Variants in RGS6 observed in about 807,000 individuals in gnomAD.
The protein encoded by RGS6 is regulator of G protein signaling 6.
In RGS6, 30 loss-of-function variants were observed where a neutral mutation model predicts 78.5. The observed-to-expected ratio is 0.38, with a 90% confidence interval of 0.29 to 0.52. The LOEUF is 0.52. Among genes scored for constraint, RGS6 ranks in the 20% least tolerant of loss-of-function variants. The pLI is 0.85. For missense variants in RGS6, 495 were observed against 609.7 expected (o/e 0.81, Z 1.98); for synonymous variants, 206 against 206.0 (o/e 1.00, Z 0.00).
At chr14:72,608,692 A>C in the RGS6 span, among the ~76,000 whole-genome samples, 30 of 152,192 alleles carry the variant, frequency 2.0e-4, no homozygotes, top group Non-Finnish European at 4.1e-4. Context: ...CTCTCAGTTA[A>C]GGCCTGAAGC....
chr14:72,387,634 A>G (rs1177837539), intron 3 of RGS6, among the ~76,000 whole-genome samples: 1 of 152,192 alleles, frequency 6.6e-6, no homozygotes, highest in African/African-American at 2.4e-5. Flanking sequence ...AAAAATGTAC[A>G]TATATATGTA....
At chr14:72,116,486 A>G (rs1267656305) in intron 2 of RGS6, among the ~76,000 whole-genome samples, 1 of 151,500 alleles carries the variant, frequency 6.6e-6, no homozygotes, top group East Asian at 1.9e-4. Flanking sequence ...GCCTTTGCCT[A>G]CTAGATGCTG....
intron 2 of RGS6, among the ~76,000 whole-genome samples, chr14:72,200,548 G>A (rs2041260895): frequency 6.6e-6 from 1 of 152,186 alleles, no homozygotes; most frequent in Non-Finnish European, 1.5e-5. Flanking sequence ...CCAACTCAGA[G>A]GAGTGGAGGG....
chr14:72,102,495 A>G lies in RGS6; in HGVS notation c.84+137620A>G, dbSNP rs374143123. Among the ~76,000 whole-genome samples, 10 of 152,208 alleles carry G rather than the reference A, an allele frequency of 6.6e-5. No individual in the cohort carries two copies. The East Asian group carries it at 1.9e-3, about 29-fold the overall frequency. ...GCAGTTCTACCTTGTGCCAGGTTTT[A>G]GATACTTTCTTTTAATCACAGAACT... On this transcript the variant is annotated intron_variant, in intron 2 of 17. Transcript: ENST00000553525.
At chr14:72,042,118 T>C (rs569993245) in intron 2 of RGS6, among the ~76,000 whole-genome samples, 25 of 128,428 alleles carry the variant, frequency 1.9e-4, no homozygotes, top group African/African-American at 6.8e-4. Context: ...TTCCTTTTTC[T>C]TTTTCTTTTT....
At chr14:72,548,945 G>A (rs928503223) in intron 17 of RGS6, among the ~76,000 whole-genome samples, 8 of 152,230 alleles carry the variant, frequency 5.3e-5, no homozygotes, top group African/African-American at 1.7e-4. Context: ...ATAGTGCAGA[G>A]TAGGTTTCTA....
intron 12 of RGS6, among the ~76,000 whole-genome samples, chr14:72,492,969 G>GATATTTA (rs2096597783): frequency 6.6e-6 from 1 of 152,116 alleles, no homozygotes; most frequent in Admixed American, 6.5e-5. Flanking sequence ...TGCAGAAAAA[G>GATATTTA]CTTGCCAATG....
chr14:72,613,883 C>T, the RGS6 span, among the ~76,000 whole-genome samples: 3 of 152,212 alleles, frequency 2.0e-5, no homozygotes, highest in African/African-American at 7.2e-5. Flanking sequence ...GGCTCTAAGG[C>T]AGTTCCCACT....
chr14:72,356,254 T>G (rs761300490), intron 3 of RGS6, among the ~76,000 whole-genome samples: 13 of 152,060 alleles, frequency 8.5e-5, no homozygotes, highest in Non-Finnish European at 8.8e-5. Context: ...CGTGCTGTTC[T>G]CATAATAGCG....
chr14:71,871,735 C>CT, the RGS6 span, among the ~76,000 whole-genome samples: 2 of 152,142 alleles, frequency 1.3e-5, no homozygotes, highest in Admixed American at 6.5e-5. Context: ...TTTCCTTTCC[C>CT]TTTTTTTGCT....
At chr14:72,287,518 G>A (rs757170324) in intron 2 of RGS6, among the ~76,000 whole-genome samples, 29 of 152,052 alleles carry the variant, frequency 1.9e-4, no homozygotes, top group Non-Finnish European at 3.1e-4. Flanking sequence ...GTGCAGTGGC[G>A]TGATCTAGAC....
At chr14:72,198,522 T>A (rs1156756006) in intron 2 of RGS6, among the ~76,000 whole-genome samples, 1 of 152,252 alleles carries the variant, frequency 6.6e-6, no homozygotes, top group Admixed American at 6.5e-5. Flanking sequence ...AACAGATTCA[T>A]GGGTTTTCTA....
At chr14:72,265,091 T>C (rs1385455545) in intron 2 of RGS6, among the ~76,000 whole-genome samples, 1 of 152,184 alleles carries the variant, frequency 6.6e-6, no homozygotes, top group Admixed American at 6.5e-5. Context: ...CTCATTAGAA[T>C]TGTGAAAATT....
At chr14:72,521,103 C>G (rs546995970) in intron 15 of RGS6, among the ~76,000 whole-genome samples, 93 of 152,308 alleles carry the variant, frequency 6.1e-4, no homozygotes, top group African/African-American at 2.2e-3. Flanking sequence ...AAAAATACAT[C>G]CTGAGTTCAT....
At chr14:72,428,923 A>C (rs2094526271) in intron 3 of RGS6, among the ~76,000 whole-genome samples, 1 of 152,214 alleles carries the variant, frequency 6.6e-6, no homozygotes, top group Non-Finnish European at 1.5e-5. Flanking sequence ...AGCAAGCCTG[A>C]GAATGTGCAT....
chr14:72,021,113 C>T (rs906553777), intron 2 of RGS6, among the ~76,000 whole-genome samples: 13 of 152,208 alleles, frequency 8.5e-5, no homozygotes, highest in Admixed American at 8.5e-4. Flanking sequence ...TCTCCCAGAG[C>T]CCAGGCTCTA....
intron 17 of RGS6, among the ~76,000 whole-genome samples, chr14:72,545,096 CA>C (rs1461920430): frequency 6.6e-6 from 1 of 152,258 alleles, no homozygotes; most frequent in African/African-American, 2.4e-5. Flanking sequence ...GCTTTGACCT[CA>C]GTTGAAATGA....
chr14:72,382,868 A>G (rs935321637), intron 3 of RGS6, among the ~76,000 whole-genome samples: 11 of 152,138 alleles, frequency 7.2e-5, no homozygotes, highest in Non-Finnish European at 1.0e-4. Context: ...AAAAGTAAGC[A>G]TTGTATTATT....
chr14:72,265,237 C>T (rs538134158), intron 2 of RGS6, among the ~76,000 whole-genome samples: 5 of 152,260 alleles, frequency 3.3e-5, no homozygotes, highest in African/African-American at 7.2e-5. Context: ...CATGGTGACA[C>T]GGTGCTGGGC....
Sources: allele counts gnomAD v4.1 joint callset (sites outside exome capture counted in the v4.1 genomes callset), GRCh38; gene constraint gnomAD v4.1.1; transcripts MANE v1.5; gene names NCBI Gene and HGNC (gene_info 2026-07-23, HGNC 2026-07-21).